IDS: variants seen among roughly 807,000 people sequenced by gnomAD.
The protein encoded by IDS is iduronate 2-sulfatase, also known as alpha-L-iduronate sulfate sulfatase.
Under a neutral mutation model 33.5 loss-of-function variants are expected in IDS, and 1 was observed. That is an observed-to-expected ratio of 0.03 (90% CI 0.01 to 0.14). The LOEUF is 0.14. Ranked by LOEUF, IDS falls within the 10% of genes least tolerant of loss-of-function variation. The pLI is 1.00. For synonymous variants in IDS, 191 were observed against 184.4 expected (o/e 1.04, Z -0.29); for missense variants, 328 against 448.0 (o/e 0.73, Z 2.42).
At chrX:149,490,232 T>C (rs2089377681) in intron 7 of IDS, 82 bp downstream of exon 7, 1 of 1,045,150 alleles carries the variant, frequency 9.6e-7, no homozygotes. Flanking sequence ...CACCCATGTT[T>C]ATGTCAATGG....
At chrX:149,500,848 T>C in intron 4 of IDS, 101 bp downstream of exon 4, 1 of 581,712 alleles carries the variant, frequency 1.7e-6, no homozygotes, top group South Asian at 2.3e-5. Flanking sequence ...CACAACTTCG[T>C]GGTATATAAC....
chrX:149,484,569 C>T (rs1278295963), intron 8 of IDS, among the ~76,000 whole-genome samples: 1 of 112,886 alleles, frequency 8.9e-6, no homozygotes, highest in Non-Finnish European at 1.9e-5. Flanking sequence ...ATCCGCCCAC[C>T]TTGGCCTCCC....
chrX:149,480,192 G>T lies in IDS; in HGVS notation c.*2554C>A. On this transcript the variant is annotated 3_prime_UTR_variant, in exon 9 of 9. Transcript: ENST00000340855. ...AGACCCAGTAGTAGGCACTGACGGT[G>T]TTATCAAAGGACAGGATCAAAGAGA... 3.7e-6 allele frequency: 1 copy of T among 266,993 alleles called. No individual in the cohort carries two copies. The highest frequency in any genetic ancestry group is 6.6e-6 in the Non-Finnish European group (1 of 151,709). The allele number at this position is 266,993 out of a possible 1,213,427, so 22.0% of individuals were successfully genotyped here.
At chrX:149,499,949 A>G (rs1557339765) in intron 4 of IDS, among the ~76,000 whole-genome samples, 1 of 111,400 alleles carries the variant, frequency 9.0e-6, no homozygotes, top group Admixed American at 9.5e-5. Flanking sequence ...ACAAAGACCG[A>G]GGGGCTGTGT....
intron 5 of IDS, 70 bp from the exon 6 acceptor site, chrX:149,496,586 C>T: frequency 9.5e-7 from 1 of 1,051,750 alleles, no homozygotes; most frequent in Non-Finnish European, 1.3e-6. Flanking sequence ...GGCTCTATCA[C>T]TGTCTATACT....
intron 6 of IDS, among the ~76,000 whole-genome samples, chrX:149,494,823 C>T (rs782427377): frequency 8.9e-6 from 1 of 111,941 alleles, no homozygotes; most frequent in East Asian, 2.8e-4. Context: ...GAGAAGAAAA[C>T]TCAGGGAGGC....
chrX:149,484,470 C>T (rs781862052), intron 8 of IDS, among the ~76,000 whole-genome samples: 1 of 112,192 alleles, frequency 8.9e-6, no homozygotes, highest in East Asian at 2.8e-4. Flanking sequence ...TACAGGCATG[C>T]ACCGCCACAC....
In IDS at chrX:149,480,894, C is replaced by G. The variant is rs896938741; in HGVS notation, c.*1852G>C. On this transcript the variant is annotated 3_prime_UTR_variant, in exon 9 of 9. Coordinates refer to ENST00000340855, the MANE Select transcript of IDS (RefSeq NM_000202.8). ...CTAGAATCACTAGTTCTGCTGTCAG[C>G]TAAACCACATGAAAGAACCCCTGCT... The G allele has an allele frequency of 8.9e-6, 1 of 112,138 alleles. No homozygotes were observed. 9.2% of individuals were successfully genotyped at this position (112,138 alleles called of 1,213,427 possible). A position where few individuals can be genotyped will look rare whatever the true frequency, so the allele number is the denominator to read the frequency against.
intron 6 of IDS, among the ~76,000 whole-genome samples, chrX:149,493,629 C>A (rs2089411764): frequency 9.0e-6 from 1 of 111,054 alleles, no homozygotes; most frequent in African/African-American, 3.3e-5. Context: ...ATTCTGCTTG[C>A]AGACGTGGGA....
At chrX:149,495,531 G>A (rs2089429518) in intron 6 of IDS, 1 of 103,699 alleles carries the variant, frequency 9.6e-6, no homozygotes, top group African/African-American at 3.6e-5. Flanking sequence ...GCTTCCAATT[G>A]TGTAAATCTG....
chrX:149,486,851 T>C (rs1234964119), intron 8 of IDS, 74 bp downstream of exon 8: 2 of 1,076,603 alleles, frequency 1.9e-6, no homozygotes, highest in African/African-American at 1.8e-5. Context: ...AAGCCTATGA[T>C]TCAATAAAGT....
chrX:149,487,418 T>A, intron 7 of IDS: 1 of 580,865 alleles, frequency 1.7e-6, no homozygotes. Flanking sequence ...CACACATGCG[T>A]TCCTCCCCTG....
intron 4 of IDS, among the ~76,000 whole-genome samples, chrX:149,500,017 C>A (rs2089467184): frequency 9.0e-6 from 1 of 111,644 alleles, no homozygotes; most frequent in Admixed American, 9.5e-5. Context: ...TTGCTCACCC[C>A]ACCCTTGGGC....
chrX:149,501,968 C>G (rs1569560510), intron 3 of IDS: 1 of 239,858 alleles, frequency 4.2e-6, no homozygotes, highest in Non-Finnish European at 8.0e-6. Context: ...TACTTGACTC[C>G]CATGAGCCTT....
chrX:149,505,022 G>C lies in IDS; in HGVS notation c.103+13C>G, dbSNP rs782012915. The C allele has an allele frequency of 3.4e-6, 4 of 1,165,824 alleles. No homozygotes were observed. In the African/African-American group the frequency reaches 5.4e-5, roughly 16 times the overall value. ...GAAGGGAGAAGAGATGGCAGGGAGG[G>C]CGTGGGCGGCACCTGTGGTCGAGTT... On this transcript the variant is annotated intron_variant, in intron 1 of 8. Coordinates refer to ENST00000340855, the MANE Select transcript of IDS (RefSeq NM_000202.8).
intron 8 of IDS, among the ~76,000 whole-genome samples, chrX:149,484,441 C>T (rs1252634204): frequency 1.8e-5 from 2 of 112,390 alleles, no homozygotes; most frequent in Non-Finnish European, 3.8e-5. Context: ...CCTGCCTCAG[C>T]CTCCTGAGTA....
At chrX:149,494,009 A>G (rs907800982) in intron 6 of IDS, among the ~76,000 whole-genome samples, 9 of 111,487 alleles carry the variant, frequency 8.1e-5, no homozygotes, top group Non-Finnish European at 1.3e-4. Context: ...AGAAGAGGTC[A>G]TGCAAACGGA....
chrX:149,491,173 C>A (rs2089387610), intron 6 of IDS, among the ~76,000 whole-genome samples: 1 of 112,283 alleles, frequency 8.9e-6, no homozygotes, highest in South Asian at 3.7e-4. Flanking sequence ...AACCCAACAG[C>A]AGATTACAAC....
rs1253168360 is a variant in IDS at position 149,478,436 on chromosome X, G to A, written c.*4310C>T. The A allele has an allele frequency of 8.9e-6, 1 of 112,023 alleles. No individual in the cohort carries two copies. Among genetic ancestry groups the A allele is most frequent in the Non-Finnish European group, 1.9e-5 (1 of 53,209 alleles). The allele number at this position is 112,023 out of a possible 1,213,427, so 9.2% of individuals were successfully genotyped here. On this transcript the variant is annotated 3_prime_UTR_variant, in exon 9 of 9. Transcript: ENST00000340855. ...CAGTCCAAAAAAAAAAATTAATGAA[G>A]CAGGGCTGTGCAGCCATTACAGCTG... is the stretch of plus-strand genomic sequence containing the variant.
Sources: allele counts gnomAD v4.1 joint callset (sites outside exome capture counted in the v4.1 genomes callset), GRCh38; gene constraint gnomAD v4.1.1; transcripts MANE v1.5; gene names NCBI Gene and HGNC (gene_info 2026-07-23, HGNC 2026-07-21).